The following KTN1 variants were observed in gnomAD, a reference collection of about 807,000 sequenced individuals.
KTN1 encodes the protein kinectin.
In KTN1, 130 loss-of-function variants were observed where a neutral mutation model predicts 222.5. The ratio of observed to expected loss-of-function variants is 0.58; its 90% CI spans 0.51 to 0.68. KTN1 has a LOEUF of 0.68. Ranked by LOEUF, KTN1 falls within the 30% of genes least tolerant of loss-of-function variation. KTN1 has a pLI of 0.00. For missense variants in KTN1, 1,508 were observed against 1,500.4 expected, an observed-to-expected ratio of 1.01 and a Z score of -0.08; for synonymous variants, 512 against 496.3, an observed-to-expected ratio of 1.03 and a Z score of -0.42.
intron 1 of KTN1, among the ~76,000 whole-genome samples, chr14:55,593,321 TAAA>T (rs954272537): frequency 1.3e-5 from 2 of 151,882 alleles, no homozygotes; most frequent in African/African-American, 4.8e-5. Flanking sequence ...TGTTTTGGAT[TAAA>T]AAAACTGGTT....
intron 6 of KTN1, among the ~76,000 whole-genome samples, chr14:55,629,110 T>C (rs1247257548): frequency 6.6e-6 from 1 of 152,134 alleles, no homozygotes; most frequent in Non-Finnish European, 1.5e-5. Flanking sequence ...CAAAATGAAA[T>C]CCCTCATTTA....
intron 25 of KTN1, 46 bp from the exon 26 acceptor site, chr14:55,652,804 G>A (rs780245729): frequency 1.5e-6 from 2 of 1,378,322 alleles, no homozygotes; most frequent in Admixed American, 2.1e-5. Flanking sequence ...TGCTTTTTAT[G>A]GTCATGTAAC....
At chr14:55,641,335 G>T in intron 17 of KTN1, 127 bp downstream of exon 17, 1 of 612,020 alleles carries the variant, frequency 1.6e-6, no homozygotes, top group Non-Finnish European at 2.9e-6. Context: ...AGTTTATTAG[G>T]GGACTTATGC....
intron 6 of KTN1, among the ~76,000 whole-genome samples, chr14:55,628,316 G>T (rs375855054): frequency 6.6e-6 from 1 of 152,180 alleles, no homozygotes; most frequent in African/African-American, 2.4e-5. Context: ...ATCTGACCTA[G>T]ATCTGTTCTC....
At chr14:55,639,852 ATCCT>A in intron 13 of KTN1, 57 bp from the exon 14 acceptor site, 1 of 1,074,120 alleles carries the variant, frequency 9.3e-7, no homozygotes, top group Middle Eastern at 2.0e-4. Flanking sequence ...AAGGCTTTAA[ATCCT>A]TTTGATTTGT....
At chr14:55,675,958 T>A in intron 41 of KTN1, 40 bp downstream of exon 41, 1 of 1,358,228 alleles carries the variant, frequency 7.4e-7, no homozygotes, top group Non-Finnish European at 1.0e-6. Flanking sequence ...ATCATGAGCC[T>A]GTGTTGTGTG....
chr14:55,664,390 A>G (rs912706932), intron 33 of KTN1, among the ~76,000 whole-genome samples: 1 of 152,188 alleles, frequency 6.6e-6, no homozygotes, highest in African/African-American at 2.4e-5. Context: ...GTGAATTAAC[A>G]AACACATTTG....
intron 18 of KTN1, among the ~76,000 whole-genome samples, chr14:55,644,629 C>T (rs1213577764): frequency 1.4e-5 from 2 of 139,430 alleles, no homozygotes; most frequent in African/African-American, 5.4e-5. Flanking sequence ...GCATGACATT[C>T]TTATTCCAGT....
chr14:55,670,701 TAA>T, intron 34 of KTN1, 26 bp from the exon 35 acceptor site: 1 of 1,498,540 alleles, frequency 6.7e-7, no homozygotes, highest in Non-Finnish European at 9.1e-7. Flanking sequence ...CTTTGGAAAT[TAA>T]TGATTTTAAC....
At chr14:55,580,736 C>T (rs1436625932) in intron 1 of KTN1, among the ~76,000 whole-genome samples, 1 of 152,130 alleles carries the variant, frequency 6.6e-6, no homozygotes, top group Non-Finnish European at 1.5e-5. Context: ...CTATTTTTAG[C>T]CAAGCCTGAG....
intron 18 of KTN1, chr14:55,644,217 T>G (rs2042070518): frequency 2.1e-6 from 1 of 487,490 alleles, no homozygotes; most frequent in African/African-American, 2.0e-5. Flanking sequence ...TGGTATAATC[T>G]TAATTTCTGT....
intron 2 of KTN1, among the ~76,000 whole-genome samples, chr14:55,614,555 C>A (rs868029681): frequency 6.6e-6 from 1 of 151,966 alleles, no homozygotes; most frequent in Admixed American, 6.6e-5. Context: ...TGCCCATGAA[C>A]CAAGAACACT....
chr14:55,645,225 A>G (rs1252280997), intron 18 of KTN1, among the ~76,000 whole-genome samples: 2 of 152,208 alleles, frequency 1.3e-5, no homozygotes, highest in Non-Finnish European at 2.9e-5. Flanking sequence ...AGGGAATACA[A>G]TGTTCAAAGA....
chr14:55,608,804 A>T (rs1445355854), intron 1 of KTN1, among the ~76,000 whole-genome samples: 2 of 151,690 alleles, frequency 1.3e-5, no homozygotes, highest in African/African-American at 2.4e-5. Flanking sequence ...TGATTTTTGA[A>T]TTTTTAGTAG....
intron 25 of KTN1, among the ~76,000 whole-genome samples, chr14:55,652,544 G>C (rs1017520583): frequency 1.3e-5 from 2 of 151,860 alleles, no homozygotes; most frequent in South Asian, 2.1e-4. Flanking sequence ...GACTACAGGC[G>C]CGTACCACCA....
At chr14:55,649,082 A>G (rs1345422648) in intron 21 of KTN1, among the ~76,000 whole-genome samples, 2 of 152,140 alleles carry the variant, frequency 1.3e-5, no homozygotes, top group East Asian at 3.8e-4. Context: ...TCATGCCACA[A>G]TGCTCGGCTT....
intron 3 of KTN1, among the ~76,000 whole-genome samples, chr14:55,617,460 A>C (rs1165309936): frequency 6.6e-6 from 1 of 152,162 alleles, no homozygotes; most frequent in Non-Finnish European, 1.5e-5. Context: ...AGTTTTAGCA[A>C]GTGTAGATGT....
At chr14:55,644,434 C>T in intron 18 of KTN1, 1 of 702,262 alleles carries the variant, frequency 1.4e-6, no homozygotes, top group Non-Finnish European at 2.6e-6. Context: ...AGAAAGACAA[C>T]AGGTACCAAG....
intron 2 of KTN1, among the ~76,000 whole-genome samples, chr14:55,616,096 G>T (rs1355870944): frequency 4.0e-5 from 6 of 151,572 alleles, no homozygotes; most frequent in Non-Finnish European, 8.8e-5. Flanking sequence ...TATTTTTTTC[G>T]TAGAGATGGA....
Sources: gnomAD v4.1 joint callset for allele counts (sites outside exome capture counted in the v4.1 genomes callset) on GRCh38, gnomAD v4.1.1 for gene constraint, MANE v1.5 for transcripts, NCBI Gene and HGNC (gene_info 2026-07-23, HGNC 2026-07-21) for gene names.